Variants in ADGRV1 observed in about 807,000 individuals in gnomAD.
ADGRV1 encodes the protein adhesion G protein-coupled receptor V1, also known as G-protein coupled receptor 98.
ADGRV1 carries 359 observed loss-of-function variants against 596.2 expected under a neutral mutation model. The ratio of observed to expected loss-of-function variants is 0.60; its 90% CI spans 0.55 to 0.66. ADGRV1 has a LOEUF of 0.66. ADGRV1 is among the 30% of genes least tolerant of loss of function. The pLI is 0.00. For missense variants in ADGRV1, 7,274 were observed against 7,575.6 expected (o/e 0.96, Z 1.48); for synonymous variants, 2,681 against 2,679.2 (o/e 1.00, Z -0.02).
intron 24 of ADGRV1, 41 bp from the exon 25 acceptor site, chr5:90,676,039 A>G (rs1473404700): frequency 2.1e-5 from 32 of 1,519,134 alleles, no homozygotes; most frequent in Non-Finnish European, 2.8e-5. Flanking sequence ...ATTCATATAC[A>G]GAATGATTGT....
At chr5:90,832,503 T>A (rs1764605884) in intron 77 of ADGRV1, among the ~76,000 whole-genome samples, 1 of 152,190 alleles carries the variant, frequency 6.6e-6, no homozygotes, top group Admixed American at 6.5e-5. Flanking sequence ...TAGTTATTAA[T>A]CCCTTGTCAG....
intron 87 of ADGRV1, among the ~76,000 whole-genome samples, chr5:91,131,762 T>C (rs1346999329): frequency 6.6e-6 from 1 of 152,236 alleles, no homozygotes; most frequent in Non-Finnish European, 1.5e-5. Flanking sequence ...CCTCTGTTGA[T>C]AGATTCTTTT....
chr5:90,637,676 C>T, intron 10 of ADGRV1, 49 bp from the exon 11 acceptor site: 1 of 1,299,060 alleles, frequency 7.7e-7, no homozygotes, highest in Non-Finnish European at 1.1e-6. Context: ...TATATAATTT[C>T]TGAACATATA....
chr5:90,680,141 G>C (rs1324173353), intron 26 of ADGRV1, among the ~76,000 whole-genome samples: 1 of 152,134 alleles, frequency 6.6e-6, no homozygotes, highest in East Asian at 1.9e-4. Context: ...CCTGAGCTCA[G>C]GAGTTCCAGA....
At chr5:90,859,003 C>T (rs1418126452) in intron 82 of ADGRV1, among the ~76,000 whole-genome samples, 1 of 152,214 alleles carries the variant, frequency 6.6e-6, no homozygotes, top group Non-Finnish European at 1.5e-5. Context: ...GCTTTCATAA[C>T]TAGTCTGTGT....
At chr5:90,604,848 C>T (rs1761870968) in intron 1 of ADGRV1, among the ~76,000 whole-genome samples, 1 of 152,034 alleles carries the variant, frequency 6.6e-6, no homozygotes, top group Non-Finnish European at 1.5e-5. Context: ...CTAAATTGGC[C>T]TCAAAGGATT....
At chr5:90,856,485 A>T (rs2438338) in intron 82 of ADGRV1, among the ~76,000 whole-genome samples, 87,276 of 151,938 alleles carry the variant, frequency 0.57, 25,669 homozygotes, top group East Asian at 0.83. Context: ...ACCCAACAAC[A>T]TAACAATAGA....
chr5:90,654,034 G>A, intron 20 of ADGRV1, 82 bp downstream of exon 20: 1 of 1,385,468 alleles, frequency 7.2e-7, no homozygotes, highest in Non-Finnish European at 1.0e-6. Context: ...TTAAAAAAGT[G>A]CTAACATGTA....
Position 90,810,336 on chromosome 5 carries a change from C to T in ADGRV1, c.15076C>T (p.His5026Tyr), listed in dbSNP as rs397517423. The T allele has an allele frequency of 1.9e-6, 3 of 1,612,766 alleles. No individual in the cohort carries two copies. The highest frequency in any genetic ancestry group is 2.7e-5 in the African/African-American group (2 of 74,896). The change falls in exon 74 of 90, where the codon CAT (histidine) becomes TAT (tyrosine). Residue 5026 changes from histidine (H) to tyrosine (Y), a missense_variant. His to Tyr is a moderately conservative substitution (Grantham distance 83). Around this residue, in one of 5 missense-constraint regions of ADGRV1, gnomAD observed 1,874 missense variants for 1,970.2 expected, o/e 0.95. Coordinates refer to ENST00000405460, the MANE Select transcript of ADGRV1 (RefSeq NM_032119.4). ...VSEDTQMIRL[H>Y]VQRLFGFHSD... is the part of the protein sequence containing the mutation. Reference sequence around the variant, plus strand: ...AGAAGATACACAGATGATCAGATTACATGTACAAAGACTATTTGGGTTCCA... The same window carrying T: ...AGAAGATACACAGATGATCAGATTATATGTACAAAGACTATTTGGGTTCCA...
In ADGRV1 at chr5:90,776,470, A is replaced by C. The variant is rs1758243355; in HGVS notation, c.12421A>C (p.Ile4141Leu). 1 of 1,612,566 alleles carries C rather than the reference A, an allele frequency of 6.2e-7. No homozygotes were observed. Among genetic ancestry groups the C allele is most frequent in the African/African-American group, 1.3e-5 (1 of 74,864 alleles). ...SPVKGSASII[I>L]RGDKRASGEV... Reference sequence around the variant, plus strand: ...GAATTTAGGTAGTGCATCAATAATTATTCGGGGTGATAAGCGAGCATCAGG... The same window carrying C: ...GAATTTAGGTAGTGCATCAATAATTCTTCGGGGTGATAAGCGAGCATCAGG... The change falls in exon 61 of 90, where the codon ATT becomes CTT. Residue 4141 changes from isoleucine to leucine, a missense_variant. Coordinates refer to ENST00000405460, the MANE Select transcript of ADGRV1 (RefSeq NM_032119.4).
chr5:90,755,661 GGA>G (rs1031614709), intron 55 of ADGRV1, among the ~76,000 whole-genome samples: 5 of 151,258 alleles, frequency 3.3e-5, no homozygotes, highest in Admixed American at 6.6e-5. Context: ...ATGTATGTAT[GGA>G]GAGAGAGAGA....
chr5:90,779,207 C>T, intron 64 of ADGRV1, 110 bp downstream of exon 64: 1 of 594,542 alleles, frequency 1.7e-6, no homozygotes, highest in Non-Finnish European at 2.9e-6. Flanking sequence ...TTTCCCTACT[C>T]TTTCTCAGAT....
intron 64 of ADGRV1, among the ~76,000 whole-genome samples, chr5:90,780,821 C>T (rs575603504): frequency 2.6e-5 from 4 of 152,088 alleles, no homozygotes; most frequent in Non-Finnish European, 5.9e-5. Flanking sequence ...TCACCTCATA[C>T]TTCTAAATAG....
chr5:91,099,643 C>T (rs1260719069), intron 86 of ADGRV1, among the ~76,000 whole-genome samples: 4 of 152,092 alleles, frequency 2.6e-5, no homozygotes, highest in South Asian at 2.1e-4. Context: ...CGGTGGCTCA[C>T]GCCTGTAATC....
chr5:91,161,573 G>C (rs1796956465), intron 89 of ADGRV1, among the ~76,000 whole-genome samples: 1 of 136,716 alleles, frequency 7.3e-6, no homozygotes, highest in Non-Finnish European at 1.6e-5. Context: ...TGTATTAATT[G>C]GTAAATTTTA....
intron 85 of ADGRV1, among the ~76,000 whole-genome samples, chr5:91,034,606 G>A (rs1784723735): frequency 6.6e-6 from 1 of 152,054 alleles, no homozygotes; most frequent in South Asian, 2.1e-4. Flanking sequence ...CTTGTGCTTC[G>A]AATTTCTGCT....
At chr5:90,756,906 C>T in intron 56 of ADGRV1, 73 bp from the exon 57 acceptor site, 1 of 1,230,440 alleles carries the variant, frequency 8.1e-7, no homozygotes, top group East Asian at 2.3e-5. Context: ...TAAGTAGAAA[C>T]AATAACTTTA....
intron 73 of ADGRV1, among the ~76,000 whole-genome samples, chr5:90,808,024 A>AGCTATC (rs1762073207): frequency 6.6e-6 from 1 of 152,224 alleles, no homozygotes; most frequent in African/African-American, 2.4e-5. Flanking sequence ...TGTTAAAGAC[A>AGCTATC]GCTATCTTCT....
chr5:90,654,160 T>A (rs1400234787), intron 20 of ADGRV1: 1 of 594,012 alleles, frequency 1.7e-6, no homozygotes, highest in Non-Finnish European at 2.9e-6. Context: ...AATTTTGCCC[T>A]TAAAGAACCT....
Sources: allele counts gnomAD v4.1 joint callset (sites outside exome capture counted in the v4.1 genomes callset), GRCh38; gene constraint gnomAD v4.1.1; regional missense constraint gnomAD v4.1.1; transcripts MANE v1.5; gene names NCBI Gene and HGNC (gene_info 2026-07-23, HGNC 2026-07-21).